THUMPD3: variants seen among roughly 807,000 people sequenced by gnomAD.
THUMPD3 encodes the protein THUMP domain 3 tRNA guanosine methyltransferase.
THUMPD3 carries 44 observed loss-of-function variants against 54.5 expected under a neutral mutation model. That is an observed-to-expected ratio of 0.81 (90% confidence interval 0.63 to 1.04). The LOEUF is 1.04. Ranked by LOEUF, THUMPD3 falls within the 50% of genes least tolerant of loss-of-function variation. The pLI, the probability that THUMPD3 is intolerant of heterozygous loss-of-function variation, is 0.00. For missense variants in THUMPD3, 604 were observed against 601.3 expected (o/e 1.00, Z -0.05); for synonymous variants, 196 against 201.4 (o/e 0.97, Z 0.23).
chr3:9,369,285 G>A (rs1012439242), intron 3 of THUMPD3, among the ~76,000 whole-genome samples: 2 of 137,688 alleles, frequency 1.5e-5, no homozygotes, highest in African/African-American at 5.6e-5. Flanking sequence ...ACTCTAGTCT[G>A]GGCAACAGAG....
chr3:9,375,910 AT>A (rs1486788853), intron 5 of THUMPD3, among the ~76,000 whole-genome samples: 1 of 152,226 alleles, frequency 6.6e-6, no homozygotes, highest in African/African-American at 2.4e-5. Flanking sequence ...GCATTCATAT[AT>A]TTGGTCCACC....
intron 3 of THUMPD3, among the ~76,000 whole-genome samples, chr3:9,370,421 T>A (rs2031934452): frequency 6.6e-6 from 1 of 152,208 alleles, no homozygotes; most frequent in African/African-American, 2.4e-5. Flanking sequence ...TTAAGAATAT[T>A]GTAGTCAGTG....
intron 7 of THUMPD3, among the ~76,000 whole-genome samples, chr3:9,382,172 A>T (rs1337519102): frequency 1.3e-5 from 2 of 152,092 alleles, no homozygotes; most frequent in Non-Finnish European, 2.9e-5. Flanking sequence ...GTTATAATAC[A>T]TATTTTATGT....
chr3:9,383,400 C>A, intron 8 of THUMPD3, 91 bp downstream of exon 8: 1 of 875,798 alleles, frequency 1.1e-6, no homozygotes, highest in Non-Finnish European at 1.8e-6. Context: ...TGAATTTTAG[C>A]AGACTTAGCA....
chr3:9,374,954 G>A (rs2032346224), intron 5 of THUMPD3, among the ~76,000 whole-genome samples: 1 of 152,252 alleles, frequency 6.6e-6, no homozygotes, highest in African/African-American at 2.4e-5. Context: ...TGCCTCCCGG[G>A]TTCAAGCGAT....
At chr3:9,372,094 C>A (rs2032088958) in intron 4 of THUMPD3, among the ~76,000 whole-genome samples, 1 of 152,184 alleles carries the variant, frequency 6.6e-6, no homozygotes, top group African/African-American at 2.4e-5. Flanking sequence ...CCAGGCTGGT[C>A]TCAAACTCCT....
intron 2 of THUMPD3, among the ~76,000 whole-genome samples, chr3:9,365,655 G>T (rs188684822): frequency 9.3e-4 from 141 of 151,696 alleles, no homozygotes; most frequent in African/African-American, 3.1e-3. Context: ...GCAATGGCGC[G>T]ATCTTGGCTC....
chr3:9,365,283 A>G lies in THUMPD3; in HGVS notation c.215A>G (p.Lys72Arg), dbSNP rs546187102. 1.2e-5 allele frequency: 19 copies of G among 1,614,238 alleles called. No individual in the cohort carries two copies. The East Asian group carries it at 3.8e-4, about 32-fold the overall frequency. ...TGCAAAATCAGCAGAGACCGTGGCA[A>G]GATATATTTTGTCATTTCAGTGGAA... ...SSCKISRDRG[K>R]IYFVISVESL... Residue 72 changes from lysine to arginine, a missense_variant, in exon 2 of 10, where the codon AAG becomes AGG. Transcript: ENST00000452837.
intron 3 of THUMPD3, 61 bp from the exon 4 acceptor site, chr3:9,370,999 G>C: frequency 7.3e-7 from 1 of 1,366,978 alleles, no homozygotes; most frequent in Non-Finnish European, 1.0e-6. Context: ...GCAAAGTAGA[G>C]GTTTATTTGT....
rs766366276 is a variant in THUMPD3 at position 9,384,707 on chromosome 3, G to C, written c.*19G>C. On this transcript the variant is annotated 3_prime_UTR_variant, in exon 10 of 10. Transcript: ENST00000452837. ...AGAATGAAGATGACTAATAGTACTT[G>C]TACTTCCCACCACTGGAAATGTTAG... 6.2e-7 allele frequency: 1 copy of C among 1,612,968 alleles called. No individual in the cohort carries two copies. The highest frequency in any genetic ancestry group is 8.5e-7 in the Non-Finnish European group (1 of 1,179,216).
At position 9,384,272 on chromosome 3, in the gene THUMPD3, T is replaced by C. The variant is rs781280974; in HGVS notation, c.1296T>C (p.Arg432=). ...LYPACLREMS[R]VCTPTTGRAV... is the part of the protein sequence containing the mutation. The stretch of plus-strand genomic sequence containing the variant: ...CAGCTTGCCTACGGGAGATGAGCCG[T>C]GTCTGCACACCTACCACAGGCCGAG... The change falls in exon 9 of 10, where the codon CGT becomes CGC. Residue 432 remains arginine, a synonymous_variant. Transcript: ENST00000452837. 1.2e-6 allele frequency: 2 copies of C among 1,614,092 alleles called. No individual in the cohort carries two copies. Among genetic ancestry groups the C allele is most frequent in the African/African-American group, 2.7e-5 (2 of 74,930 alleles).
At chr3:9,375,191 C>T (rs1344854632) in intron 5 of THUMPD3, among the ~76,000 whole-genome samples, 1 of 152,174 alleles carries the variant, frequency 6.6e-6, no homozygotes, top group Non-Finnish European at 1.5e-5. Flanking sequence ...TAGTTTTCAC[C>T]TGCCTCTTGA....
chr3:9,366,882 A>G, intron 2 of THUMPD3, 26 bp from the exon 3 acceptor site: 1 of 1,590,406 alleles, frequency 6.3e-7, no homozygotes, highest in Admixed American at 1.8e-5. Flanking sequence ...CTTTCTCAGA[A>G]ATGTGTTTCT....
Position 9,384,793 on chromosome 3 carries a change from C to T in THUMPD3, c.*105C>T, listed in dbSNP as rs776396095. On this transcript the variant is annotated 3_prime_UTR_variant, in exon 10 of 10. Coordinates refer to ENST00000452837, the MANE Select transcript of THUMPD3 (RefSeq NM_001114092.2). ...AAACTGCAGTCTGCACTCTTTAAAC[C>T]TGTTTAAGGCTCTTCATCCTGGTTA... is the stretch of plus-strand genomic sequence containing the variant. The T allele has an allele frequency of 2.9e-5, 36 of 1,262,628 alleles. No homozygotes were observed. The highest frequency in any genetic ancestry group is 1.3e-4 in the Admixed American group (6 of 45,838). 78.2% of individuals were successfully genotyped at this position (1,262,628 alleles called of 1,614,324 possible). A position where few individuals can be genotyped will look rare whatever the true frequency, so the allele number is the denominator to read the frequency against.
chr3:9,363,615 C>G (rs1171195049), intron 1 of THUMPD3: 2 of 151,874 alleles, frequency 1.3e-5, no homozygotes, highest in African/African-American at 4.8e-5. Flanking sequence ...TAATACTTCC[C>G]CCGGCCCCCA....
In THUMPD3 at chr3:9,371,400, T is replaced by G; in HGVS notation, c.671T>G (p.Val224Gly). The G allele has an allele frequency of 6.2e-7, 1 of 1,614,172 alleles. No individual in the cohort carries two copies. Among genetic ancestry groups the G allele is most frequent in the South Asian group, 1.1e-5 (1 of 91,082 alleles). The change falls in exon 4 of 10, where the codon GTG becomes GGG. Residue 224 changes from valine to glycine, a missense_variant. Physicochemically the swap from Val to Gly is moderately radical, Grantham distance 109 (BLOSUM62 -3). Coordinates refer to ENST00000452837, the MANE Select transcript of THUMPD3 (RefSeq NM_001114092.2). The stretch of plus-strand genomic sequence containing the variant: ...TCAAAAGAAGAAACTGAGCCTCAAG[T>G]GCTGAAGTTTAGAGTCACATGCAAC... ...ESSKEETEPQ[V>G]LKFRVTCNRA...
chr3:9,375,101 C>G (rs1297901547), intron 5 of THUMPD3, among the ~76,000 whole-genome samples: 1 of 152,158 alleles, frequency 6.6e-6, no homozygotes, highest in Non-Finnish European at 1.5e-5. Context: ...AGGTGATCCA[C>G]CCGCCTCGGC....
At chr3:9,367,519 G>A (rs1227830711) in intron 3 of THUMPD3, among the ~76,000 whole-genome samples, 2 of 152,206 alleles carry the variant, frequency 1.3e-5, no homozygotes, top group African/African-American at 4.8e-5. Context: ...GTTGAAAATA[G>A]ATTGCAGCAA....
rs187182329 is a variant in THUMPD3 at position 9,385,129 on chromosome 3, A to G, written c.*441A>G. The G allele has an allele frequency of 9.0e-5, 14 of 155,314 alleles. No homozygotes were observed. The East Asian group carries it at 2.3e-3, about 25-fold the overall frequency. The allele number at this position is 155,314 out of a possible 1,614,324, so 9.6% of individuals were successfully genotyped here. On this transcript the variant is annotated 3_prime_UTR_variant, in exon 10 of 10. Coordinates refer to ENST00000452837, the MANE Select transcript of THUMPD3 (RefSeq NM_001114092.2). ...CACTCCAGCCTGTGCGACAAGAGCG[A>G]AACTCTGTCTCAAAAAGATTTTATA...
Sources: allele counts gnomAD v4.1 joint callset (sites outside exome capture counted in the v4.1 genomes callset), GRCh38; gene constraint gnomAD v4.1.1; transcripts MANE v1.5; gene names NCBI Gene and HGNC (gene_info 2026-07-23, HGNC 2026-07-21).